PSG11: variants seen among roughly 807,000 people sequenced by gnomAD.
PSG11 encodes the protein pregnancy specific beta-1-glycoprotein 11.
In PSG11, 42 loss-of-function variants were observed where a neutral mutation model predicts 36.0. That is an observed-to-expected ratio of 1.17 (90% confidence interval 0.91 to 1.51). The LOEUF (loss-of-function observed/expected upper bound fraction) is 1.51. Among genes scored for constraint, PSG11 ranks in the 40% most tolerant of loss-of-function variants. The pLI is 0.00. For missense variants in PSG11, 558 were observed against 403.5 expected, an observed-to-expected ratio of 1.38 and a Z score of -3.28; for synonymous variants, 206 against 153.5, an observed-to-expected ratio of 1.34 and a Z score of -2.53.
rs1967032700 is a variant in PSG11, at chr19:43,018,874, A to T, written c.605T>A (p.Leu202His). 1 of 1,611,976 alleles carries T rather than the reference A, an allele frequency of 6.2e-7. No homozygotes were observed. The highest frequency in any genetic ancestry group is 1.1e-5 in the South Asian group (1 of 90,850). Reference sequence around the variant, plus strand: ...ATACTTTGTGACACCAAATAGAAAGAGGGTCCTGTTGGTTTCAGACAGCTG... The same window carrying T: ...ATACTTTGTGACACCAAATAGAAAGTGGGTCCTGTTGGTTTCAGACAGCTG... ...RMQLSETNRT[L>H]FLFGVTKYTA... is the part of the protein sequence containing the mutation. The change falls in exon 3 of 6, where the codon CTC (leucine) becomes CAC (histidine). Residue 202 changes from leucine (L) to histidine (H), a missense_variant. Leu to His is a moderately conservative substitution (Grantham distance 99). Transcript: ENST00000320078.
At chr19:43,010,221 T>TGTTTCTCA (rs1428594509) in intron 4 of PSG11, 180 bp from the exon 5 acceptor site, 4 of 1,452,382 alleles carry the variant, frequency 2.8e-6, no homozygotes. Flanking sequence ...CCTCTCACCA[T>TGTTTCTCA]GTTTCTCAGT....
At position 43,016,079 on chromosome 19, in the gene PSG11, T is replaced by C; in HGVS notation, c.710-709A>G. ...ATAACAGAGAGAAGATTGTCCTGTG[T>C]GGCACCTTTGATTCCTCCACAGGCA... On this transcript the variant is annotated intron_variant, in intron 3 of 5. Coordinates refer to ENST00000320078, the MANE Select transcript of PSG11 (RefSeq NM_002785.3). 13 of 1,581,744 alleles carry C rather than the reference T, an allele frequency of 8.2e-6. 2 individuals carry two copies. The highest frequency in any genetic ancestry group is 1.1e-5 in the Non-Finnish European group (13 of 1,163,112).
chr19:43,020,305 A>C (rs1967072371), intron 2 of PSG11, among the ~76,000 whole-genome samples: 1 of 151,540 alleles, frequency 6.6e-6, no homozygotes, highest in African/African-American at 2.4e-5. Flanking sequence ...CCCAAATCTG[A>C]AAAATTTAAA....
intron 2 of PSG11, among the ~76,000 whole-genome samples, chr19:43,020,644 A>G (rs897745200): frequency 5.9e-5 from 9 of 151,410 alleles, no homozygotes; most frequent in African/African-American, 2.2e-4. Context: ...CAGCAGGATC[A>G]CATTATGCTC....
intron 3 of PSG11, among the ~76,000 whole-genome samples, chr19:43,016,485 C>G (rs2354821): frequency 0.41 from 60,950 of 150,348 alleles, 15,993 homozygotes; most frequent in East Asian, 0.99. Context: ...TTCTAGAGAT[C>G]AGTAATAATG....
chr19:43,026,204 A>G lies in PSG11; in HGVS notation c.64+105T>C, dbSNP rs537017167. The G allele has an allele frequency of 1.1e-3, 1,730 of 1,528,986 alleles. 62 individuals are homozygous for G. The African/African-American group carries it at 0.021, about 19-fold the overall frequency. 94.7% of individuals were successfully genotyped at this position (1,528,986 alleles called of 1,614,324 possible). A position where few individuals can be genotyped will look rare whatever the true frequency, so the allele number is the denominator to read the frequency against. On this transcript the variant is annotated intron_variant, in intron 1 of 5. Transcript: ENST00000320078. Reference sequence around the variant, plus strand: ...GATCCACCCACCTCAGCCTCCCTAAATGCTGGCTTTTTTATTTTTTAGAAC... The same window carrying G: ...GATCCACCCACCTCAGCCTCCCTAAGTGCTGGCTTTTTTATTTTTTAGAAC...
chr19:43,009,717 C>T (rs1457148827), intron 5 of PSG11, among the ~76,000 whole-genome samples: 4 of 151,270 alleles, frequency 2.6e-5, no homozygotes, highest in East Asian at 3.9e-4. Flanking sequence ...AATTGTGTTT[C>T]TCATTTGAAT....
At chr19:43,017,051 A>G (rs1966984560) in intron 3 of PSG11, among the ~76,000 whole-genome samples, 1 of 151,370 alleles carries the variant, frequency 6.6e-6, no homozygotes, top group Non-Finnish European at 1.5e-5. Context: ...AATGGATTCC[A>G]GAGTGAATAT....
intron 3 of PSG11, among the ~76,000 whole-genome samples, chr19:43,016,307 T>C (rs1470716519): frequency 1.3e-5 from 2 of 151,284 alleles, no homozygotes; most frequent in African/African-American, 4.9e-5. Context: ...GATACGTCAG[T>C]GGGAGTCACA....
At chr19:43,018,286 T>A (rs1043813157) in intron 3 of PSG11, 1 of 200,876 alleles carries the variant, frequency 5.0e-6, no homozygotes, top group Non-Finnish European at 1.0e-5. Context: ...AGTGGGTGAG[T>A]GTCTATGAGA....
Position 43,018,980 on chromosome 19 carries a change from A to C in PSG11, c.499T>G (p.Leu167Val). The change falls in exon 3 of 6, where the codon TTA becomes GTA. Residue 167 changes from leucine to valine, a missense_variant. Physicochemically the swap from Leu to Val is conservative, Grantham distance 32. Transcript: ENST00000320078. ...TCCGGAGTCTCAGGATTACAGGTTA[A>C]GATCACAGTCTCCATGGCCTCCCTG... is the stretch of plus-strand genomic sequence containing the variant. ...NPREAMETVI[L>V]TCNPETPDAS... The C allele has an allele frequency of 6.2e-7, 1 of 1,612,158 alleles. No individual in the cohort carries two copies.
chr19:43,014,958 C>T (rs553425833), intron 4 of PSG11, 158 bp downstream of exon 4: 6 of 1,526,736 alleles, frequency 3.9e-6, no homozygotes, highest in East Asian at 2.3e-5. Context: ...AGAAGAGAGT[C>T]TGTAGAGACA....
At chr19:43,025,978 GTCACC>G (rs1308234434) in intron 1 of PSG11, among the ~76,000 whole-genome samples, 1 of 99,362 alleles carries the variant, frequency 1.0e-5, no homozygotes, top group Admixed American at 1.6e-4. Flanking sequence ...GTCTCGTACT[GTCACC>G]CAGCCTGGCG....
chr19:43,018,923 T>A lies in PSG11; in HGVS notation c.556A>T (p.Ser186Cys). The A allele has an allele frequency of 3.7e-6, 6 of 1,612,068 alleles. No homozygotes were observed. Among genetic ancestry groups the A allele is most frequent in the Non-Finnish European group, 5.1e-6 (6 of 1,179,086 alleles). The change falls in exon 3 of 6, where the codon AGC (serine) becomes TGC (cysteine). Residue 186 changes from serine (S) to cysteine (C), a missense_variant. By Grantham distance (112) the Ser-to-Cys change is moderately radical (BLOSUM62 -1). Transcript: ENST00000320078. ...TGCATCCTATGAGTCATAGGGAGGC[T>A]CTGACCATTCATCCACCACAGGTAG... ...ASYLWWMNGQSLPMTHRMQLS... is the reference protein window; with the variant it reads ...ASYLWWMNGQCLPMTHRMQLS...
chr19:43,019,149 C>A lies in PSG11; in HGVS notation c.431-101G>T, dbSNP rs191740455. On this transcript the variant is annotated intron_variant, in intron 2 of 5. Coordinates refer to ENST00000320078, the MANE Select transcript of PSG11 (RefSeq NM_002785.3). ...GGCATTTGCCACCTCTCAGCCCACCCGAGTCCCTAAAAGCCCATGGCAGGT... is the reference window on the plus strand; with the variant it reads ...GGCATTTGCCACCTCTCAGCCCACCAGAGTCCCTAAAAGCCCATGGCAGGT... 3.2e-6 allele frequency: 5 copies of A among 1,538,860 alleles called. No homozygotes were observed. The Admixed American group carries it at 7.9e-5, about 24-fold the overall frequency.
intron 4 of PSG11, chr19:43,014,743 G>C: frequency 4.9e-6 from 6 of 1,223,980 alleles, no homozygotes; most frequent in Non-Finnish European, 6.3e-6. Context: ...GTTCCTTGTA[G>C]TTCATGGAAG....
At chr19:43,016,436 C>A (rs1302312586) in intron 3 of PSG11, among the ~76,000 whole-genome samples, 2 of 151,046 alleles carry the variant, frequency 1.3e-5, no homozygotes, top group South Asian at 2.1e-4. Flanking sequence ...CTTTGCCCCC[C>A]TAGATGTGAT....
chr19:43,018,599 G>A, intron 3 of PSG11, 171 bp downstream of exon 3: 1 of 1,470,894 alleles, frequency 6.8e-7, no homozygotes, highest in Non-Finnish European at 9.3e-7. Flanking sequence ...TCCCACTGTG[G>A]ATCAAGCCTA....
At position 43,007,832 on chromosome 19, in the gene PSG11, T is replaced by A. The variant is rs1973968107; in HGVS notation, c.*251A>T. 2 of 310,150 alleles carry A rather than the reference T, an allele frequency of 6.4e-6. No individual in the cohort carries two copies. The highest frequency in any genetic ancestry group is 6.2e-6 in the Non-Finnish European group (1 of 160,084). 19.2% of individuals were successfully genotyped at this position (310,150 alleles called of 1,614,324 possible). On this transcript the variant is annotated 3_prime_UTR_variant, in exon 6 of 6. Transcript: ENST00000320078. Reference sequence around the variant, plus strand: ...TCTGGAGGATAAAACATTCAAAAAATCAGCACATTTTCCAATAAAAAATTA... The same window carrying A: ...TCTGGAGGATAAAACATTCAAAAAAACAGCACATTTTCCAATAAAAAATTA...
Sources: gnomAD v4.1 joint callset for allele counts (sites outside exome capture counted in the v4.1 genomes callset) on GRCh38, gnomAD v4.1.1 for gene constraint, MANE v1.5 for transcripts, NCBI Gene and HGNC (gene_info 2026-07-23, HGNC 2026-07-21) for gene names.